STXBP5: variants seen among roughly 807,000 people sequenced by gnomAD.
STXBP5 encodes the protein syntaxin binding protein 5.
STXBP5 carries 50 observed loss-of-function variants against 152.4 expected under a neutral mutation model. That is an observed-to-expected ratio of 0.33 (90% CI 0.26 to 0.42). STXBP5 has a LOEUF of 0.42. Among genes scored for constraint, STXBP5 ranks in the 10% least tolerant of loss-of-function variants. The probability of loss-of-function intolerance (pLI) is 1.00; values close to 1 mark genes in which losing one functional copy is unlikely to be tolerated. For missense variants in STXBP5, 1,167 were observed against 1,388.6 expected (o/e 0.84, Z 2.54); for synonymous variants, 492 against 494.7 (o/e 0.99, Z 0.07).
At chr6:147,219,933 C>T (rs914821899) in intron 2 of STXBP5, among the ~76,000 whole-genome samples, 9 of 148,730 alleles carry the variant, frequency 6.1e-5, no homozygotes, top group African/African-American at 2.2e-4. Context: ...ACTTTGGGTT[C>T]AGTTTCCTCT....
At chr6:147,314,672 T>C in intron 14 of STXBP5, 36 bp downstream of exon 14, 1 of 1,513,672 alleles carries the variant, frequency 6.6e-7, no homozygotes, top group Non-Finnish European at 9.0e-7. Flanking sequence ...TGTTATATGT[T>C]ATACAATCAC....
In STXBP5 at chr6:147,387,098, A is replaced by G. The variant is rs1171106080; in HGVS notation, c.*2343A>G. ...ATCTACAAATTATGCACAACAAACT[A>G]GAGACTCAGTTAGGATTAGAAAGCT... is the stretch of plus-strand genomic sequence containing the variant. On this transcript the variant is annotated 3_prime_UTR_variant, in exon 28 of 28. Coordinates refer to ENST00000321680, the MANE Select transcript of STXBP5 (RefSeq NM_001127715.4). 3 of 151,730 alleles carry G rather than the reference A, an allele frequency of 2.0e-5. No individual in the cohort carries two copies. Among genetic ancestry groups the G allele is most frequent in the Non-Finnish European group, 4.4e-5 (3 of 67,730 alleles). The allele number at this position is 151,730 out of a possible 1,614,324, so 9.4% of individuals were successfully genotyped here.
intron 4 of STXBP5, among the ~76,000 whole-genome samples, chr6:147,253,156 A>G (rs1321734706): frequency 1.3e-5 from 2 of 152,236 alleles, no homozygotes; most frequent in African/African-American, 4.8e-5. Flanking sequence ...CCGATTCAAC[A>G]TACGCAAATC....
rs528786065 is a variant in STXBP5 at position 147,326,608 on chromosome 6, C to T, written c.1929-517C>T. On this transcript the variant is annotated intron_variant, in intron 17 of 27. Coordinates refer to ENST00000321680, the MANE Select transcript of STXBP5 (RefSeq NM_001127715.4). The stretch of plus-strand genomic sequence containing the variant: ...AAAAGATCTTAAAAGAATAAATTTC[C>T]TTTATTCATAGTTGATTGGTTTATA... Among the ~76,000 whole-genome samples, 76 of 152,238 alleles carry T rather than the reference C, an allele frequency of 5.0e-4. 1 individual carries two copies. In the South Asian group the frequency reaches 7.9e-3, roughly 16 times the overall value.
At chr6:147,369,108 A>G (rs951824803) in intron 25 of STXBP5, among the ~76,000 whole-genome samples, 10 of 152,074 alleles carry the variant, frequency 6.6e-5, no homozygotes, top group Admixed American at 5.9e-4. Flanking sequence ...TAATCAGTAG[A>G]GAATGGTATT....
intron 23 of STXBP5, among the ~76,000 whole-genome samples, chr6:147,362,911 G>A (rs536229495): frequency 4.7e-4 from 72 of 152,308 alleles, no homozygotes; most frequent in Middle Eastern, 3.4e-3. Context: ...CTTTGGACAA[G>A]GCGCGTTCCC....
chr6:147,212,635 T>G (rs1035774094), intron 2 of STXBP5, among the ~76,000 whole-genome samples: 1 of 152,182 alleles, frequency 6.6e-6, no homozygotes, highest in Non-Finnish European at 1.5e-5. Context: ...ATCTTCTGGT[T>G]GATTGCTCTG....
chr6:147,293,567 G>A (rs1781381973), intron 9 of STXBP5, among the ~76,000 whole-genome samples: 2 of 152,174 alleles, frequency 1.3e-5, no homozygotes. Context: ...GTATTGTACA[G>A]TTCCTTTTGG....
At chr6:147,218,929 A>G (rs1233292906) in intron 2 of STXBP5, among the ~76,000 whole-genome samples, 1 of 152,090 alleles carries the variant, frequency 6.6e-6, no homozygotes, top group East Asian at 1.9e-4. Flanking sequence ...TTCCTAATCT[A>G]TGTGCATACC....
intron 16 of STXBP5, among the ~76,000 whole-genome samples, chr6:147,318,224 CAGG>C: frequency 6.6e-6 from 1 of 152,268 alleles, no homozygotes; most frequent in African/African-American, 2.4e-5. Context: ...ATAGTACTGA[CAGG>C]AGAAGCAGTA....
At chr6:147,269,774 A>G (rs1433697469) in intron 7 of STXBP5, among the ~76,000 whole-genome samples, 1 of 152,176 alleles carries the variant, frequency 6.6e-6, no homozygotes, top group Non-Finnish European at 1.5e-5. Flanking sequence ...TAGCAGTAGA[A>G]GCTACTTGAT....
At chr6:147,353,187 C>A (rs979473480) in intron 21 of STXBP5, 136 bp from the exon 22 acceptor site, 4 of 546,324 alleles carry the variant, frequency 7.3e-6, no homozygotes, top group Non-Finnish European at 1.3e-5. Flanking sequence ...CTTTCCACTC[C>A]TAATATTACT....
intron 8 of STXBP5, among the ~76,000 whole-genome samples, chr6:147,286,705 C>T (rs770473599): frequency 4.6e-5 from 7 of 151,856 alleles, no homozygotes; most frequent in Non-Finnish European, 8.8e-5. Flanking sequence ...ACTTTCCAAG[C>T]GTAAAACCAA....
intron 21 of STXBP5, among the ~76,000 whole-genome samples, chr6:147,344,015 A>G (rs955192684): frequency 2.2e-4 from 34 of 152,182 alleles, no homozygotes; most frequent in Admixed American, 4.6e-4. Flanking sequence ...CTTGCCCTTA[A>G]TTGGTCAAGA....
At position 147,232,933 on chromosome 6, in the gene STXBP5, A is replaced by G. The variant is rs564694717; in HGVS notation, c.249-2317A>G. 1.1e-4 allele frequency among the ~76,000 whole-genome samples: 16 copies of G among 151,784 alleles called. No homozygotes were observed. In the East Asian group the frequency reaches 2.5e-3, roughly 24 times the overall value. On this transcript the variant is annotated intron_variant, in intron 2 of 27. Transcript: ENST00000321680. Reference sequence around the variant, plus strand: ...AGACATTTTTCATTCTCTTTGGAGAAAACATTGATTGACGCCCATGGCAAT... The same window carrying G: ...AGACATTTTTCATTCTCTTTGGAGAGAACATTGATTGACGCCCATGGCAAT...
At chr6:147,331,281 A>G (rs1783555155) in intron 18 of STXBP5, among the ~76,000 whole-genome samples, 1 of 152,238 alleles carries the variant, frequency 6.6e-6, no homozygotes, top group Non-Finnish European at 1.5e-5. Flanking sequence ...GATAATTTAT[A>G]GGTAGAAACA....
At chr6:147,359,783 C>A (rs1000963406) in intron 23 of STXBP5, among the ~76,000 whole-genome samples, 1 of 151,916 alleles carries the variant, frequency 6.6e-6, no homozygotes, top group Non-Finnish European at 1.5e-5. Flanking sequence ...CTACAAAGGA[C>A]ATGAACTCAT....
intron 4 of STXBP5, among the ~76,000 whole-genome samples, chr6:147,239,971 C>A (rs1168634200): frequency 4.0e-5 from 6 of 148,820 alleles, no homozygotes. Context: ...GAGACCTGGT[C>A]TTGCTCTGTC....
intron 7 of STXBP5, among the ~76,000 whole-genome samples, chr6:147,270,703 A>T (rs1014009131): frequency 2.0e-4 from 31 of 152,176 alleles, no homozygotes; most frequent in Non-Finnish European, 3.7e-4. Context: ...GACTCCAGAC[A>T]TGGCAAATAT....
Sources: allele counts gnomAD v4.1 joint callset (sites outside exome capture counted in the v4.1 genomes callset), GRCh38; gene constraint gnomAD v4.1.1; transcripts MANE v1.5; gene names NCBI Gene and HGNC (gene_info 2026-07-23, HGNC 2026-07-21).